The following MDM4 variants were observed in gnomAD, a reference collection of about 807,000 sequenced individuals.
The protein encoded by MDM4 is protein Mdm4.
A neutral mutation model predicts 60.2 loss-of-function variants in MDM4; 2 were observed. The ratio of observed to expected loss-of-function variants is 0.03; its 90% CI spans 0.01 to 0.10. MDM4 has a LOEUF of 0.10. Ranked by LOEUF, MDM4 falls within the 10% of genes least tolerant of loss-of-function variation. MDM4 has a pLI of 1.00. For synonymous variants in MDM4, 202 were observed against 198.1 expected, an observed-to-expected ratio of 1.02 and a Z score of -0.17; for missense variants, 447 against 577.5, an observed-to-expected ratio of 0.77 and a Z score of 2.32.
At chr1:204,530,018 A>G (rs892520739) in intron 3 of MDM4, among the ~76,000 whole-genome samples, 5 of 152,100 alleles carry the variant, frequency 3.3e-5, no homozygotes, top group African/African-American at 1.2e-4. Context: ...CTGGGACTAC[A>G]AGCGTGCCTC....
At chr1:204,525,154 C>T (rs1288795757) in intron 1 of MDM4, among the ~76,000 whole-genome samples, 10 of 152,178 alleles carry the variant, frequency 6.6e-5, no homozygotes, top group Non-Finnish European at 1.3e-4. Context: ...GAGTGCTCTA[C>T]CTGATAACCA....
intron 10 of MDM4, among the ~76,000 whole-genome samples, chr1:204,547,640 G>C (rs1020282899): frequency 3.3e-5 from 5 of 152,212 alleles, no homozygotes; most frequent in African/African-American, 1.2e-4. Flanking sequence ...CATTGCCAAT[G>C]ATCTGTGTGT....
In MDM4 at chr1:204,556,778, A is replaced by T. The variant is rs1342235391; in HGVS notation, c.*7096A>T. 1 of 214,280 alleles carries T rather than the reference A, an allele frequency of 4.7e-6. No individual in the cohort carries two copies. The highest frequency in any genetic ancestry group is 9.4e-6 in the Non-Finnish European group (1 of 106,116). The allele number at this position is 214,280 out of a possible 1,614,324, so 13.3% of individuals were successfully genotyped here. A position where few individuals can be genotyped will look rare whatever the true frequency, so the allele number is the denominator to read the frequency against. On this transcript the variant is annotated 3_prime_UTR_variant, in exon 11 of 11. Coordinates refer to ENST00000367182, the MANE Select transcript of MDM4 (RefSeq NM_002393.5). Reference sequence around the variant, plus strand: ...TTTTTTCACTTTCTTTTCAATGAGAATCGAAGTGTTTCTTTTGGGTTTTTT... The same window carrying T: ...TTTTTTCACTTTCTTTTCAATGAGATTCGAAGTGTTTCTTTTGGGTTTTTT...
intron 1 of MDM4, among the ~76,000 whole-genome samples, chr1:204,517,316 A>C (rs1210511402): frequency 2.0e-5 from 3 of 152,210 alleles, no homozygotes; most frequent in Admixed American, 2.0e-4. Context: ...TGGGGCTCAG[A>C]GAAATATATT....
chr1:204,538,877 T>TC (rs1273893297), intron 7 of MDM4, among the ~76,000 whole-genome samples: 2 of 148,630 alleles, frequency 1.3e-5, no homozygotes, highest in Non-Finnish European at 3.0e-5. Context: ...GGCTTTTTTT[T>TC]TTTTTTTTTT....
rs752213278 is a variant in MDM4 at position 204,538,238 on chromosome 1, A to G, written c.441A>G (p.Arg147=). 10 of 1,610,410 alleles carry G rather than the reference A, an allele frequency of 6.2e-6. No homozygotes were observed. The highest frequency in any genetic ancestry group is 1.1e-5 in the South Asian group (1 of 91,004). Residue 147 remains arginine, a synonymous_variant, in exon 7 of 11, where the codon AGA becomes AGG. Transcript: ENST00000367182. ...KQSAEESSTS[R]KRTTEDDIPT... ...GTGCAGAGGAAAGTTCCACTTCCAG[A>G]AAAAGAACTACAGAAGACGATATCC... is the stretch of plus-strand genomic sequence containing the variant.
chr1:204,535,956 A>C (rs1661364851), intron 5 of MDM4, among the ~76,000 whole-genome samples: 4 of 151,846 alleles, frequency 2.6e-5, no homozygotes, highest in Admixed American at 2.6e-4. Context: ...CAGTAATAGG[A>C]TTGCTTTATT....
At chr1:204,525,463 T>A in intron 1 of MDM4, 21 bp from the exon 2 acceptor site, 1 of 1,562,802 alleles carries the variant, frequency 6.4e-7, no homozygotes. Context: ...ATAGATGTTA[T>A]AAATTTTTTT....
At chr1:204,548,288 C>T (rs887445782) in intron 10 of MDM4, among the ~76,000 whole-genome samples, 2 of 152,188 alleles carry the variant, frequency 1.3e-5, no homozygotes, top group African/African-American at 4.8e-5. Flanking sequence ...TTGAGGCCAT[C>T]TGGAATCCCA....
In MDM4 at chr1:204,555,335, A is replaced by T. The variant is rs950305384; in HGVS notation, c.*5653A>T. On this transcript the variant is annotated 3_prime_UTR_variant, in exon 11 of 11. Coordinates refer to ENST00000367182, the MANE Select transcript of MDM4 (RefSeq NM_002393.5). Reference sequence around the variant, plus strand: ...ACGCCTGGCTAATTTTTGTATTTTTATTGGAGACGGGGTTTCACCGTCTTA... The same window carrying T: ...ACGCCTGGCTAATTTTTGTATTTTTTTTGGAGACGGGGTTTCACCGTCTTA... The T allele has an allele frequency of 8.6e-5, 14 of 161,926 alleles. No homozygotes were observed. The highest frequency in any genetic ancestry group is 3.4e-4 in the African/African-American group (14 of 41,474). The allele number at this position is 161,926 out of a possible 1,614,324, so 10.0% of individuals were successfully genotyped here. A position where few individuals can be genotyped will look rare whatever the true frequency, so the allele number is the denominator to read the frequency against.
intron 5 of MDM4, chr1:204,532,562 C>A: frequency 1.7e-6 from 1 of 575,144 alleles, no homozygotes; most frequent in South Asian, 2.5e-5. Flanking sequence ...TTACACATAA[C>A]AAATTTAACA....
chr1:204,537,503 A>C lies in MDM4; in HGVS notation c.411+6A>C. 1 of 1,607,840 alleles carries C rather than the reference A, an allele frequency of 6.2e-7. No individual in the cohort carries two copies. Among genetic ancestry groups the C allele is most frequent in the Non-Finnish European group, 8.5e-7 (1 of 1,174,232 alleles). ...CAAGTCAAGACCAACTGAAGGTAAA[A>C]TCACCACACGGTGACTTCTTTTGTT... On this transcript the variant is annotated splice_donor_region_variant and intron_variant, in intron 6 of 10. Transcript: ENST00000367182.
intron 3 of MDM4, chr1:204,528,952 G>A (rs1011793544): frequency 3.8e-6 from 6 of 1,564,714 alleles, no homozygotes; most frequent in African/African-American, 1.4e-5. Context: ...ATCTGCAGCT[G>A]GGTGCACACC....
At chr1:204,544,259 CT>C (rs1314036301) in intron 8 of MDM4, among the ~76,000 whole-genome samples, 3 of 152,170 alleles carry the variant, frequency 2.0e-5, no homozygotes, top group Non-Finnish European at 4.4e-5. Context: ...AAGTCCTTAC[CT>C]TTTAAACTCT....
At position 204,529,572 on chromosome 1, in the gene MDM4, G is replaced by T. The variant is rs1660634136; in HGVS notation, c.154-1112G>T. The T allele has an allele frequency of 1.0e-5, 15 of 1,442,444 alleles. No individual in the cohort carries two copies. In the Middle Eastern group the frequency reaches 6.7e-4, roughly 65 times the overall value. 89.4% of individuals were successfully genotyped at this position (1,442,444 alleles called of 1,614,324 possible). On this transcript the variant is annotated intron_variant, in intron 3 of 10. Coordinates refer to ENST00000367182, the MANE Select transcript of MDM4 (RefSeq NM_002393.5). ...AGGACCCCCATAGCCACCACCAGGG[G>T]GTAGCACGCTGCCATACTGCCCTCC...
chr1:204,545,481 T>C (rs1662568602), intron 9 of MDM4, among the ~76,000 whole-genome samples: 1 of 152,118 alleles, frequency 6.6e-6, no homozygotes, highest in Non-Finnish European at 1.5e-5. Flanking sequence ...AGAGTGTTGG[T>C]AAACATCCAT....
intron 3 of MDM4, chr1:204,529,639 T>G (rs1660650681): frequency 1.1e-6 from 1 of 934,964 alleles, no homozygotes; most frequent in African/African-American, 1.7e-5. Flanking sequence ...CCGGAGGGGT[T>G]CCTGGCGCTT....
chr1:204,530,868 C>T, intron 4 of MDM4, 51 bp downstream of exon 4: 1 of 1,610,348 alleles, frequency 6.2e-7, no homozygotes, highest in African/African-American at 1.3e-5. Context: ...TACCTAGCCA[C>T]TTAATTTCTA....
intron 6 of MDM4, chr1:204,537,759 C>CTGTG: frequency 1.7e-6 from 1 of 598,860 alleles, no homozygotes; most frequent in East Asian, 2.9e-5. Context: ...TTGTGTGTAC[C>CTGTG]TGTGTGTGTG....
Sources: allele counts gnomAD v4.1 joint callset (sites outside exome capture counted in the v4.1 genomes callset), GRCh38; gene constraint gnomAD v4.1.1; transcripts MANE v1.5; gene names NCBI Gene and HGNC (gene_info 2026-07-23, HGNC 2026-07-21).